The following LSAMP variants were observed in gnomAD, a reference collection of about 807,000 sequenced individuals.
The protein encoded by LSAMP is limbic system associated membrane protein, also known as limbic system-associated membrane protein.
LSAMP carries 7 observed loss-of-function variants against 38.6 expected under a neutral mutation model. The observed-to-expected ratio is 0.18, with a 90% CI of 0.10 to 0.34. LSAMP has a LOEUF of 0.34. Ranked by LOEUF, LSAMP falls within the 10% of genes least tolerant of loss-of-function variation. LSAMP has a pLI of 1.00. For synonymous variants in LSAMP, 154 were observed against 166.8 expected (o/e 0.92, Z 0.59); for missense variants, 313 against 420.0 (o/e 0.75, Z 2.23).
chr3:116,004,911 G>A (rs1283617725), intron 3 of LSAMP, among the ~76,000 whole-genome samples: 1 of 152,138 alleles, frequency 6.6e-6, no homozygotes, highest in Non-Finnish European at 1.5e-5. Flanking sequence ...TGGCTTCCTA[G>A]TAGCTCCTAC....
At chr3:115,912,141 A>G (rs1937149437) in intron 3 of LSAMP, among the ~76,000 whole-genome samples, 1 of 152,192 alleles carries the variant, frequency 6.6e-6, no homozygotes, top group Non-Finnish European at 1.5e-5. Flanking sequence ...TTTGCAAAGC[A>G]GAAGTTTTTA....
At chr3:115,936,830 C>G (rs367706581) in intron 3 of LSAMP, among the ~76,000 whole-genome samples, 3 of 152,016 alleles carry the variant, frequency 2.0e-5, no homozygotes, top group East Asian at 3.9e-4. Flanking sequence ...CTAAAGTCAG[C>G]AAAAGTAAGA....
chr3:116,026,389 T>G (rs943455273), intron 2 of LSAMP, among the ~76,000 whole-genome samples: 1 of 152,194 alleles, frequency 6.6e-6, no homozygotes, highest in African/African-American at 2.4e-5. Flanking sequence ...CTTCTTTTTG[T>G]GTAAGACTAA....
intron 1 of LSAMP, among the ~76,000 whole-genome samples, chr3:116,226,595 CA>C (rs1221847656): frequency 6.6e-6 from 1 of 152,212 alleles, no homozygotes; most frequent in East Asian, 1.9e-4. Flanking sequence ...TGTCATTTAA[CA>C]TTGGTTGTTC....
chr3:116,188,569 T>C (rs920070881), intron 1 of LSAMP, among the ~76,000 whole-genome samples: 14 of 152,296 alleles, frequency 9.2e-5, no homozygotes, highest in African/African-American at 3.4e-4. Flanking sequence ...AAATGCAGTC[T>C]GTTTATTTGC....
At position 116,232,699 on chromosome 3, in the gene LSAMP, C is replaced by CTTTTTTTTTTTTT. The variant is rs1219296323; in HGVS notation, c.156-146156_156-146144dup. ...TTAATTTTCTTTTCTTTCTTTCTTT[C>CTTTTTTTTTTTTT]TTTTTTTTTTTTTTTTTCCAGCAGG... On this transcript the variant is annotated intron_variant, in intron 1 of 6. Transcript: ENST00000490035. 1.2e-3 allele frequency among the ~76,000 whole-genome samples: 115 copies of CTTTTTTTTTTTTT among 99,446 alleles called. 7 individuals are homozygous for CTTTTTTTTTTTTT. The highest frequency in any genetic ancestry group is 1.7e-3 in the Non-Finnish European group (82 of 48,506). The allele number at this position is 99,446 out of a possible 152,430, so 65.2% of individuals were successfully genotyped here.
At chr3:115,968,669 G>A (rs899234117) in intron 3 of LSAMP, among the ~76,000 whole-genome samples, 3 of 152,172 alleles carry the variant, frequency 2.0e-5, no homozygotes, top group African/African-American at 4.8e-5. Flanking sequence ...TTTGGGGAGG[G>A]ATGGTGCAAG....
intron 2 of LSAMP, among the ~76,000 whole-genome samples, chr3:116,058,834 G>A (rs567015200): frequency 1.3e-5 from 2 of 152,202 alleles, no homozygotes; most frequent in South Asian, 4.2e-4. Context: ...AAAGACTCAC[G>A]TGTTTCTAAG....
chr3:116,287,695 C>A (rs2047211794), intron 1 of LSAMP, among the ~76,000 whole-genome samples: 1 of 152,040 alleles, frequency 6.6e-6, no homozygotes, highest in Non-Finnish European at 1.5e-5. Flanking sequence ...AAATAGAAAC[C>A]AAAATAAATG....
chr3:115,989,803 A>G (rs568949064), intron 3 of LSAMP, among the ~76,000 whole-genome samples: 1 of 152,106 alleles, frequency 6.6e-6, no homozygotes, highest in Admixed American at 6.6e-5. Flanking sequence ...CCTCTTTTTT[A>G]GCCATTGCTA....
chr3:116,316,084 G>C (rs181831372), intron 1 of LSAMP, among the ~76,000 whole-genome samples: 3 of 152,202 alleles, frequency 2.0e-5, no homozygotes, highest in African/African-American at 7.2e-5. Flanking sequence ...AGTCACAGAA[G>C]TGAGACATCC....
At chr3:116,193,601 A>T (rs997000171) in intron 1 of LSAMP, among the ~76,000 whole-genome samples, 1 of 152,242 alleles carries the variant, frequency 6.6e-6, no homozygotes, top group Non-Finnish European at 1.5e-5. Context: ...TAAGCCAGAC[A>T]TTGTGCTAGA....
chr3:116,250,869 A>G (rs920238804), intron 1 of LSAMP, among the ~76,000 whole-genome samples: 2 of 152,182 alleles, frequency 1.3e-5, no homozygotes, highest in Non-Finnish European at 2.9e-5. Context: ...ACTCTGTCTC[A>G]AAAGAAAAGG....
At chr3:116,422,915 A>G (rs1205360932) in intron 1 of LSAMP, among the ~76,000 whole-genome samples, 1 of 152,154 alleles carries the variant, frequency 6.6e-6, no homozygotes, top group Non-Finnish European at 1.5e-5. Flanking sequence ...CAACTTTACC[A>G]TTTACCACAA....
chr3:116,127,248 C>T (rs371972796), intron 1 of LSAMP, among the ~76,000 whole-genome samples: 8 of 152,088 alleles, frequency 5.3e-5, no homozygotes, highest in Non-Finnish European at 1.0e-4. Context: ...TTATATTCTC[C>T]GTTATGTAGT....
intron 1 of LSAMP, among the ~76,000 whole-genome samples, chr3:116,425,750 A>AAATT (rs1159946424): frequency 1.4e-4 from 21 of 152,188 alleles, no homozygotes; most frequent in African/African-American, 2.4e-4. Context: ...AATAATAAAT[A>AAATT]AATTAATTAA....
chr3:115,831,211 C>G (rs968711720), intron 6 of LSAMP, among the ~76,000 whole-genome samples: 1 of 152,092 alleles, frequency 6.6e-6, no homozygotes, highest in African/African-American at 2.4e-5. Context: ...AACCCACTTG[C>G]CACACGGGGT....
chr3:116,351,998 T>A (rs1180423121), intron 1 of LSAMP, among the ~76,000 whole-genome samples: 1 of 152,042 alleles, frequency 6.6e-6, no homozygotes, highest in East Asian at 1.9e-4. Flanking sequence ...CAGAGGAAAG[T>A]TTAGTTAACC....
chr3:116,283,859 A>T (rs2047160127), intron 1 of LSAMP, among the ~76,000 whole-genome samples: 1 of 152,104 alleles, frequency 6.6e-6, no homozygotes, highest in Non-Finnish European at 1.5e-5. Context: ...TACAAAAATT[A>T]GCTGGGCATG....
Sources: allele counts gnomAD v4.1 joint callset (sites outside exome capture counted in the v4.1 genomes callset), GRCh38; gene constraint gnomAD v4.1.1; transcripts MANE v1.5; gene names NCBI Gene and HGNC (gene_info 2026-07-23, HGNC 2026-07-21).